Variants in EPPK1 observed in about 807,000 individuals in gnomAD.
The protein encoded by EPPK1 is epiplakin 1, also known as epiplakin.
For missense variants in EPPK1, 3,823 were observed against 3,673.3 expected, an observed-to-expected ratio of 1.04 and a Z score of -1.05; for synonymous variants, 1,862 against 1,721.2, an observed-to-expected ratio of 1.08 and a Z score of -2.03.
At position 143,871,117 on chromosome 8, in the gene EPPK1, G is replaced by A. The variant is rs1177953666; in HGVS notation, c.2137C>T (p.Arg713Trp). Residue 713 changes from arginine to tryptophan, a missense_variant, in exon 2 of 2, where the codon CGG (arginine) becomes TGG (tryptophan). Transcript: ENST00000615648. ...FQAMQKGLIV[R>W]EHGIRLLEAQ... ...TCCAGCAGGCGGATGCCGTGCTCCCGGACGATGAGGCCCTTCTGCATGGCC... is the reference window on the plus strand; with the variant it reads ...TCCAGCAGGCGGATGCCGTGCTCCCAGACGATGAGGCCCTTCTGCATGGCC... 44 of 1,613,078 alleles carry A rather than the reference G, an allele frequency of 2.7e-5. No homozygotes were observed. The highest frequency in any genetic ancestry group is 3.6e-5 in the Non-Finnish European group (42 of 1,180,028).
In EPPK1 at chr8:143,871,943, G is replaced by T; in HGVS notation, c.1311C>A (p.Ser437Arg). The T allele has an allele frequency of 1.2e-5, 20 of 1,601,938 alleles. No individual in the cohort carries two copies. Among genetic ancestry groups the T allele is most frequent in the Non-Finnish European group, 1.6e-5 (19 of 1,178,696 alleles). The change falls in exon 2 of 2, where the codon AGC becomes AGA. Residue 437 changes from serine (S) to arginine (R), a missense_variant. Physicochemically the swap from Ser to Arg is moderately radical, Grantham distance 110. Coordinates refer to ENST00000615648, the MANE Select transcript of EPPK1 (RefSeq NM_031308.4). ...DTQRQLSQAG[S>R]FSDGTHGGLR... ...GGCCGCCGTGCGTGCCGTCTGAGAAGCTGCCAGCCTGCGAGAGCTGCCGCT... is the reference window on the plus strand; with the variant it reads ...GGCCGCCGTGCGTGCCGTCTGAGAATCTGCCAGCCTGCGAGAGCTGCCGCT...
intron 1 of EPPK1, among the ~76,000 whole-genome samples, chr8:143,873,797 G>T (rs555238214): frequency 6.7e-6 from 1 of 149,184 alleles, no homozygotes; most frequent in African/African-American, 2.5e-5. Flanking sequence ...CCCCACCCCA[G>T]CTCCAGTGAT....
In EPPK1 at chr8:143,867,118, C is replaced by T. The variant is rs186320706; in HGVS notation, c.6136G>A (p.Asp2046Asn). ...AACCGTTTCCTCATGTGCTTCTGGT[C>T]GGAAATGAGCGCATAGATGTCCTTG... The part of the protein sequence containing the change: ...LHKDIYALIS[D>N]QKHMRKRFVD... Residue 2046 changes from aspartate to asparagine, a missense_variant, in exon 2 of 2, where the codon GAC becomes AAC. Asp to Asn is a conservative substitution (Grantham distance 23). Coordinates refer to ENST00000615648, the MANE Select transcript of EPPK1 (RefSeq NM_031308.4). 3.7e-5 allele frequency: 60 copies of T among 1,612,910 alleles called. No homozygotes were observed. Among genetic ancestry groups the T allele is most frequent in the Middle Eastern group, 1.7e-4 (1 of 6,060 alleles).
chr8:143,876,683 C>T (rs1165850151), intron 1 of EPPK1, among the ~76,000 whole-genome samples: 4 of 152,230 alleles, frequency 2.6e-5, no homozygotes, highest in East Asian at 1.9e-4. Context: ...CAGCACGCCT[C>T]GTTCCAGGAC....
rs1819105112 is a variant in EPPK1, at chr8:143,866,340, C to CGCTCG, written c.6909_6913dup (p.Arg2305ProfsTer70). On this transcript the variant is annotated frameshift_variant, in exon 2 of 2. Coordinates refer to ENST00000615648, the MANE Select transcript of EPPK1 (RefSeq NM_031308.4). LOFTEE classifies it low-confidence loss of function (END_TRUNC). ...GGGGTCGGTGTAGCCGGTGACGGCG[C>CGCTCG]GCTCGGCCGACAGCAGCTTCTCCTG... 18 of 491,462 alleles carry CGCTCG rather than the reference C, an allele frequency of 3.7e-5. No homozygotes were observed. The highest frequency in any genetic ancestry group is 3.1e-6 in the Non-Finnish European group (1 of 321,466). The allele number at this position is 491,462 out of a possible 1,614,324, so 30.4% of individuals were successfully genotyped here.
rs1270716839 is a variant in EPPK1 at position 143,866,339 on chromosome 8, G to A, written c.6915C>T (p.Arg2305=). 3.1e-4 allele frequency: 149 copies of A among 479,700 alleles called. No homozygotes were observed. Among genetic ancestry groups the A allele is most frequent in the Admixed American group, 2.8e-3 (51 of 18,058 alleles). The allele number at this position is 479,700 out of a possible 1,614,324, so 29.7% of individuals were successfully genotyped here. The change falls in exon 2 of 2, where the codon CGC becomes CGT. Residue 2305 remains arginine (R), a synonymous_variant. Transcript: ENST00000615648. ...AGGGGTCGGTGTAGCCGGTGACGGC[G>A]CGCTCGGCCGACAGCAGCTTCTCCT... ...EIQEKLLSAE[R]AVTGYTDPYT... is the part of the protein sequence containing the mutation.
rs782690280 is a variant in EPPK1, at chr8:143,857,973, C to T, written c.*14G>A. ...TTCTCCAGAGTTGCAGAAAACTGCACGGAGGAAGCCCAGTCACTGTAGAGA... is the reference window on the plus strand; with the variant it reads ...TTCTCCAGAGTTGCAGAAAACTGCATGGAGGAAGCCCAGTCACTGTAGAGA... On this transcript the variant is annotated 3_prime_UTR_variant, in exon 2 of 2. Coordinates refer to ENST00000615648, the MANE Select transcript of EPPK1 (RefSeq NM_031308.4). 45 of 1,536,478 alleles carry T rather than the reference C, an allele frequency of 2.9e-5. No individual in the cohort carries two copies. Among genetic ancestry groups the T allele is most frequent in the Middle Eastern group, 3.5e-4 (2 of 5,754 alleles).
In EPPK1 at chr8:143,872,738, C is replaced by T; in HGVS notation, c.516G>A (p.Glu172=). The T allele has an allele frequency of 6.3e-7, 1 of 1,594,206 alleles. No homozygotes were observed. The highest frequency in any genetic ancestry group is 1.1e-5 in the South Asian group (1 of 88,976). Residue 172 remains glutamate (E), a synonymous_variant, in exon 2 of 2, where the codon GAG becomes GAA. Coordinates refer to ENST00000615648, the MANE Select transcript of EPPK1 (RefSeq NM_031308.4). ...DPAQGVLVAP[E]PACHQGLLDR... is the part of the protein sequence containing the mutation. ...CCAGGAGGCCCTGGTGGCAGGCTGG[C>T]TCAGGGGCCACGAGCACTCCCTGGG...
chr8:143,878,872 C>T (rs1554662790), upstream of EPPK1, among the ~76,000 whole-genome samples: 1 of 152,062 alleles, frequency 6.6e-6, no homozygotes, highest in Non-Finnish European at 1.5e-5. Flanking sequence ...CCTGGGGACG[C>T]TGCTTCACGT....
Position 143,866,874 on chromosome 8 carries a change from T to G in EPPK1, c.6380A>C (p.Asn2127Thr). ...CTTCTCCTCTGTCACGTATTCGGAA[T>G]TCAGTAGTGCCCACAGTGTTGGTTT... ...GQKPTLWALL[N>T]SEYVTEEKKL... The change falls in exon 2 of 2, where the codon AAT (asparagine) becomes ACT (threonine). Residue 2127 changes from asparagine to threonine, a missense_variant. Transcript: ENST00000615648. 6.2e-7 allele frequency: 1 copy of G among 1,613,260 alleles called. No homozygotes were observed. Among genetic ancestry groups the G allele is most frequent in the Non-Finnish European group, 8.5e-7 (1 of 1,179,874 alleles).
At chr8:143,875,978 T>C (rs1819470169) in intron 1 of EPPK1, among the ~76,000 whole-genome samples, 1 of 150,050 alleles carries the variant, frequency 6.7e-6, no homozygotes, top group Admixed American at 6.6e-5. Context: ...ATGATGGAGC[T>C]TGGGCTCCTC....
In EPPK1 at chr8:143,868,789, G is replaced by T; in HGVS notation, c.4465C>A (p.Leu1489Ile). The change falls in exon 2 of 2, where the codon CTC becomes ATC. Residue 1489 changes from leucine (L) to isoleucine (I), a missense_variant. By Grantham distance (5) the Leu-to-Ile change is conservative (BLOSUM62 2). Coordinates refer to ENST00000615648, the MANE Select transcript of EPPK1 (RefSeq NM_031308.4). The stretch of plus-strand genomic sequence containing the variant: ...GCCGCAGCCCTCCCAGACCGACAGA[G>T]TGCCACCAGCTCCCGCCGCTTGTCA... ...GADKRRELVA[L>I]CRSGRAAALR... The T allele has an allele frequency of 6.2e-7, 1 of 1,600,838 alleles. No homozygotes were observed. The highest frequency in any genetic ancestry group is 8.5e-7 in the Non-Finnish European group (1 of 1,178,286).
Position 143,870,691 on chromosome 8 carries a change from G to C in EPPK1, c.2563C>G (p.Arg855Gly). ...TGCCCCAGCGTGACCTCGCGCTGCC[G>C]GTAGCGACGCAGCAGCTGCCTCCTG... ...GRRRQLLRRY[R>G]QREVTLGQVA... The change falls in exon 2 of 2, where the codon CGG becomes GGG. Residue 855 changes from arginine to glycine, a missense_variant. Physicochemically the swap from Arg to Gly is moderately radical, Grantham distance 125. Transcript: ENST00000615648. This position sits in a 1 kb window ranked among gnomAD's most constrained non-coding sequence, Gnocchi z 5.2. 1 of 1,609,764 alleles carries C rather than the reference G, an allele frequency of 6.2e-7. No homozygotes were observed. Among genetic ancestry groups the C allele is most frequent in the Non-Finnish European group, 8.5e-7 (1 of 1,178,502 alleles).
In EPPK1 at chr8:143,871,643, G is replaced by T. The variant is rs550921737; in HGVS notation, c.1611C>A (p.Ser537=). 1 of 1,603,236 alleles carries T rather than the reference G, an allele frequency of 6.2e-7. No individual in the cohort carries two copies. The highest frequency in any genetic ancestry group is 8.5e-7 in the Non-Finnish European group (1 of 1,176,438). Residue 537 remains serine, a synonymous_variant, in exon 2 of 2, where the codon TCC becomes TCA. Coordinates refer to ENST00000615648, the MANE Select transcript of EPPK1 (RefSeq NM_031308.4). ...TCAGCTTAGCGGCCAGCTTCTCCAC[G>T]GAGAGGGTCCCTTCCTGGTACTGCT... ...LAQQYQEGTL[S]VEKLAAKLSA...
chr8:143,868,717 CTGCA>C lies in EPPK1; in HGVS notation c.4533_4536del (p.Ala1512ArgfsTer26), dbSNP rs1185854749. On this transcript the variant is annotated frameshift_variant, in exon 2 of 2. Transcript: ENST00000615648. LOFTEE classifies it low-confidence loss of function (END_TRUNC). ...AAGGTGGCCTGCAGGGGCTGCCTCT[CTGCA>C]GCCTCGACCAGGGTGGTGACTGCGC... 6.3e-7 allele frequency: 1 copy of C among 1,579,662 alleles called. No individual in the cohort carries two copies.
rs368225830 is a variant in EPPK1 at position 143,868,515 on chromosome 8, C to T, written c.4739G>A (p.Gly1580Asp). Residue 1580 changes from glycine (G) to aspartate (D), a missense_variant, in exon 2 of 2, where the codon GGC becomes GAC. Physicochemically the swap from Gly to Asp is moderately conservative, Grantham distance 94. Coordinates refer to ENST00000615648, the MANE Select transcript of EPPK1 (RefSeq NM_031308.4). Reference protein sequence around the residue: ...GNFIAGVLIQGTQERMSIPEA... With the variant: ...GNFIAGVLIQDTQERMSIPEA... ...TGGGATGCTCATCCTCTCCTGGGTGCCCTGGATAAGGACCCCGGCAATGAA... is the reference window on the plus strand; with the variant it reads ...TGGGATGCTCATCCTCTCCTGGGTGTCCTGGATAAGGACCCCGGCAATGAA... The T allele has an allele frequency of 6.5e-5, 105 of 1,608,466 alleles. No homozygotes were observed. The Middle Eastern group carries it at 9.9e-4, about 15-fold the overall frequency.
intron 1 of EPPK1, among the ~76,000 whole-genome samples, chr8:143,875,961 C>T (rs1273958135): frequency 6.6e-6 from 1 of 152,094 alleles, no homozygotes; most frequent in African/African-American, 2.4e-5. Flanking sequence ...CCACCCCCCA[C>T]TGACCTATGA....
In EPPK1 at chr8:143,870,485, G is replaced by A. The variant is rs1554660795; in HGVS notation, c.2769C>T (p.Arg923=). Residue 923 remains arginine, a synonymous_variant, in exon 2 of 2, where the codon CGC becomes CGT. Transcript: ENST00000615648. This position sits in a 1 kb window ranked among gnomAD's most constrained non-coding sequence, Gnocchi z 5.2. ...PEALLLMDGV[R]RYLCGLGAVG... is the part of the protein sequence containing the mutation. ...CAGCTCCCAGGCCGCACAGGTACCTGCGGACGCCGTCCATGAGTAGGAGGG... is the reference window on the plus strand; with the variant it reads ...CAGCTCCCAGGCCGCACAGGTACCTACGGACGCCGTCCATGAGTAGGAGGG... 6.2e-7 allele frequency: 1 copy of A among 1,605,082 alleles called. No individual in the cohort carries two copies. The highest frequency in any genetic ancestry group is 1.7e-5 in the Admixed American group (1 of 59,784).
At chr8:143,873,664 C>T (rs1316387906) in intron 1 of EPPK1, among the ~76,000 whole-genome samples, 1 of 151,932 alleles carries the variant, frequency 6.6e-6, no homozygotes, top group Non-Finnish European at 1.5e-5. Context: ...CATCCTTAGC[C>T]CTGCCCGAGG....
Sources: gnomAD v4.1 joint callset for allele counts (sites outside exome capture counted in the v4.1 genomes callset) on GRCh38, gnomAD v4.1.1 for gene constraint, Gnocchi (gnomAD v3.1) non-coding constraint, MANE v1.5 for transcripts, NCBI Gene and HGNC (gene_info 2026-07-23, HGNC 2026-07-21) for gene names.